The following R3HDM1 variants were observed in gnomAD, a reference collection of about 807,000 sequenced individuals.
R3HDM1 encodes R3H domain-containing protein 1.
R3HDM1 carries 46 observed loss-of-function variants against 141.1 expected under a neutral mutation model. The observed-to-expected ratio is 0.33, with a 90% confidence interval of 0.26 to 0.42. The LOEUF is 0.42. R3HDM1 is among the 10% of genes least tolerant of loss of function. The probability of loss-of-function intolerance (pLI) is 1.00; values close to 1 mark genes in which losing one functional copy is unlikely to be tolerated. For missense variants in R3HDM1, 1,184 were observed against 1,368.3 expected (o/e 0.87, Z 2.12); for synonymous variants, 435 against 472.9 (o/e 0.92, Z 1.04).
At position 135,616,179 on chromosome 2, in the gene R3HDM1, G is replaced by C; in HGVS notation, c.199G>C (p.Gly67Arg). 2 of 1,612,932 alleles carry C rather than the reference G, an allele frequency of 1.2e-6. No homozygotes were observed. The highest frequency in any genetic ancestry group is 1.7e-6 in the Non-Finnish European group (2 of 1,178,980). The stretch of plus-strand genomic sequence containing the variant: ...GCCATTGCAGTCATTTGGACAGACA[G>C]GAAAAAGGTCTAAGGTATAGTAAAT... ...QRPLQSFGQT[G>R]KRSKSSSKLK... is the part of the protein sequence containing the mutation. The change falls in exon 4 of 27, where the codon GGA becomes CGA. Residue 67 changes from glycine (G) to arginine (R), a missense_variant. Around this residue, in one of 5 missense-constraint regions of R3HDM1, gnomAD observed 192 missense variants for 215.7 expected, o/e 0.89. Transcript: ENST00000683871.
chr2:135,634,060 A>G (rs1275358447), intron 9 of R3HDM1, among the ~76,000 whole-genome samples: 1 of 152,232 alleles, frequency 6.6e-6, no homozygotes, highest in Non-Finnish European at 1.5e-5. Flanking sequence ...ACATACTGCC[A>G]TGGTCAGAAC....
At chr2:135,613,590 A>G (rs2060746273) in intron 3 of R3HDM1, among the ~76,000 whole-genome samples, 1 of 152,126 alleles carries the variant, frequency 6.6e-6, no homozygotes, top group South Asian at 2.1e-4. Context: ...GCCAAGGCGG[A>G]CTGCTCAGTT....
chr2:135,675,199 A>T, intron 19 of R3HDM1, 133 bp from the exon 20 acceptor site: 11 of 840,778 alleles, frequency 1.3e-5, no homozygotes, highest in Non-Finnish European at 1.9e-5. Context: ...TTCATAATAG[A>T]TGGTTTTAGG....
chr2:135,659,753 C>T (rs1168626682), intron 18 of R3HDM1, among the ~76,000 whole-genome samples: 1 of 152,134 alleles, frequency 6.6e-6, no homozygotes, highest in African/African-American at 2.4e-5. Flanking sequence ...GGACTACATT[C>T]TGAAATAATA....
intron 1 of R3HDM1, among the ~76,000 whole-genome samples, chr2:135,539,687 A>G (rs1191640976): frequency 1.3e-5 from 2 of 151,316 alleles, no homozygotes; most frequent in African/African-American, 4.9e-5. Flanking sequence ...GTTTTATACA[A>G]TTCTGTAGTC....
intron 15 of R3HDM1, among the ~76,000 whole-genome samples, chr2:135,644,543 T>C (rs907333190): frequency 6.6e-6 from 1 of 152,130 alleles, no homozygotes; most frequent in Non-Finnish European, 1.5e-5. Flanking sequence ...ATAAGGACAG[T>C]ACCATCAAGT....
At chr2:135,712,676 C>T (rs2075783151) in intron 23 of R3HDM1, among the ~76,000 whole-genome samples, 1 of 151,942 alleles carries the variant, frequency 6.6e-6, no homozygotes, top group African/African-American at 2.4e-5. Flanking sequence ...AATCCTAGCA[C>T]TTTGGGAGGC....
At chr2:135,583,011 G>T (rs1707151495) in intron 1 of R3HDM1, among the ~76,000 whole-genome samples, 1 of 152,062 alleles carries the variant, frequency 6.6e-6, no homozygotes, top group African/African-American at 2.4e-5. Context: ...TTAACATTTC[G>T]GCACATTTGC....
chr2:135,698,586 C>T (rs567749093), intron 21 of R3HDM1, among the ~76,000 whole-genome samples: 2 of 152,318 alleles, frequency 1.3e-5, no homozygotes, highest in African/African-American at 4.8e-5. Context: ...CTATATTCGT[C>T]TGTTCTCGCA....
At chr2:135,615,170 G>T (rs2060903126) in intron 3 of R3HDM1, among the ~76,000 whole-genome samples, 1 of 151,906 alleles carries the variant, frequency 6.6e-6, no homozygotes, top group Admixed American at 6.6e-5. Context: ...CTCAAAATGG[G>T]AGCAGGACAT....
chr2:135,560,945 A>C (rs1701691256), intron 1 of R3HDM1, among the ~76,000 whole-genome samples: 1 of 152,168 alleles, frequency 6.6e-6, no homozygotes, highest in African/African-American at 2.4e-5. Context: ...ATAAATATAA[A>C]AGTTGTTCTT....
At chr2:135,672,977 C>T (rs377463274) in intron 19 of R3HDM1, among the ~76,000 whole-genome samples, 4 of 152,224 alleles carry the variant, frequency 2.6e-5, no homozygotes, top group East Asian at 3.9e-4. Context: ...CATGGCAGTG[C>T]GCGCCTGTAG....
chr2:135,639,260 C>A, intron 14 of R3HDM1, 138 bp downstream of exon 14: 1 of 733,404 alleles, frequency 1.4e-6, no homozygotes, highest in Non-Finnish European at 2.2e-6. Flanking sequence ...ACCTCCGGAG[C>A]ACTTAAGGGG....
At chr2:135,709,104 C>T (rs2075307096) in intron 21 of R3HDM1, among the ~76,000 whole-genome samples, 1 of 151,982 alleles carries the variant, frequency 6.6e-6, no homozygotes, top group Non-Finnish European at 1.5e-5. Flanking sequence ...TAATTAGTCT[C>T]GCTCTGTCGC....
At chr2:135,689,959 C>G (rs981386754) in intron 21 of R3HDM1, among the ~76,000 whole-genome samples, 15 of 151,980 alleles carry the variant, frequency 9.9e-5, no homozygotes, top group African/African-American at 3.4e-4. Flanking sequence ...ACGATAATAC[C>G]TTTGTCTTTG....
rs1468901262 is a variant in R3HDM1, at chr2:135,531,571, C to T, written c.-312C>T. The T allele has an allele frequency of 6.1e-6, 6 of 986,502 alleles. No individual in the cohort carries two copies. Among genetic ancestry groups the T allele is most frequent in the Non-Finnish European group, 7.2e-6 (6 of 830,584 alleles). 61.1% of individuals were successfully genotyped at this position (986,502 alleles called of 1,614,324 possible). A position where few individuals can be genotyped will look rare whatever the true frequency, so the allele number is the denominator to read the frequency against. On this transcript the variant is annotated 5_prime_UTR_variant, in exon 1 of 27. Transcript: ENST00000683871. The stretch of plus-strand genomic sequence containing the variant: ...TTCGTAAGACTCTTACTTGCACCCA[C>T]CCAGCCCCGCCGTCGCCCCGCCGCG...
At chr2:135,681,248 C>T (rs942937083) in intron 21 of R3HDM1, among the ~76,000 whole-genome samples, 5 of 152,206 alleles carry the variant, frequency 3.3e-5, no homozygotes, top group Non-Finnish European at 7.3e-5. Context: ...CAAGTCCATT[C>T]TGCCTGCGTA....
At chr2:135,692,982 A>G (rs1410349288) in intron 21 of R3HDM1, among the ~76,000 whole-genome samples, 1 of 152,216 alleles carries the variant, frequency 6.6e-6, no homozygotes, top group Non-Finnish European at 1.5e-5. Context: ...ATTTACTTTA[A>G]CATACCTACT....
intron 21 of R3HDM1, among the ~76,000 whole-genome samples, chr2:135,707,340 A>C (rs1466784678): frequency 6.6e-6 from 1 of 152,128 alleles, no homozygotes; most frequent in Non-Finnish European, 1.5e-5. Flanking sequence ...TAAAGTGTTT[A>C]AGTGATTTAA....
Sources: allele counts gnomAD v4.1 joint callset (sites outside exome capture counted in the v4.1 genomes callset), GRCh38; gene constraint gnomAD v4.1.1; regional missense constraint gnomAD v4.1.1; transcripts MANE v1.5; gene names NCBI Gene and HGNC (gene_info 2026-07-23, HGNC 2026-07-21).